The following PINX1 variants were observed in gnomAD, a reference collection of about 807,000 sequenced individuals.
PINX1 encodes the protein PIN2/TERF1-interacting telomerase inhibitor 1.
Under a neutral mutation model 25.4 loss-of-function variants are expected in PINX1, and 34 were observed. That is an observed-to-expected ratio of 1.34 (90% confidence interval 1.02 to 1.78). PINX1 has a LOEUF of 1.78. PINX1 is among the 40% of genes most tolerant of loss of function. PINX1 has a pLI of 0.00. For missense variants in PINX1, 592 were observed against 404.9 expected, an observed-to-expected ratio of 1.46 and a Z score of -3.97; for synonymous variants, 197 against 147.7, an observed-to-expected ratio of 1.33 and a Z score of -2.42.
chr8:10,800,255 T>C (rs763859351), intron 6 of PINX1, among the ~76,000 whole-genome samples: 3 of 152,238 alleles, frequency 2.0e-5, no homozygotes, highest in Non-Finnish European at 4.4e-5. Flanking sequence ...ACACTGCGTA[T>C]GTATAAATGA....
intron 2 of PINX1, chr8:10,833,677 C>T (rs1798300236): frequency 1.5e-5 from 1 of 68,124 alleles, no homozygotes; most frequent in Non-Finnish European, 2.7e-5. Flanking sequence ...AGAAGAATGA[C>T]GACTGGGGTG....
chr8:10,792,092 T>G (rs1478248107), intron 6 of PINX1, among the ~76,000 whole-genome samples: 11 of 152,184 alleles, frequency 7.2e-5, no homozygotes, highest in Non-Finnish European at 1.6e-4. Flanking sequence ...TATTGGAGTC[T>G]GAGTCTCTGG....
chr8:10,828,376 G>A lies in PINX1; in HGVS notation c.302-2132C>T, dbSNP rs17152587. On this transcript the variant is annotated intron_variant, in intron 4 of 6. Transcript: ENST00000314787. ...ACTGCAAGTGTATGAGGGACGAGGC[G>A]CTGGACTGGAGGCTTTCCATGAATT... 8.8e-3 allele frequency among the ~76,000 whole-genome samples: 1,345 copies of A among 152,252 alleles called. 24 individuals are homozygous for A. The highest frequency in any genetic ancestry group is 0.031 in the African/African-American group (1,283 of 41,526).
chr8:10,821,831 T>A (rs1797887077), intron 5 of PINX1: 1 of 152,258 alleles, frequency 6.6e-6, no homozygotes. Context: ...TAAGGTCTCT[T>A]CTATAGCAAT....
intron 2 of PINX1, 143 bp from the exon 3 acceptor site, chr8:10,833,127 G>A (rs1160564070): frequency 7.1e-6 from 4 of 561,408 alleles, no homozygotes; most frequent in Non-Finnish European, 1.3e-5. Flanking sequence ...AAAGCAACAT[G>A]GGGGAGGACT....
At chr8:10,774,850 G>C (rs1801339172) in intron 6 of PINX1, among the ~76,000 whole-genome samples, 1 of 152,108 alleles carries the variant, frequency 6.6e-6, no homozygotes, top group African/African-American at 2.4e-5. Flanking sequence ...GCAAAGCAAA[G>C]TCATTCTATG....
In PINX1 at chr8:10,832,928, A is replaced by C; in HGVS notation, c.186T>G (p.Asn62Lys). The C allele has an allele frequency of 6.2e-7, 1 of 1,612,494 alleles. No homozygotes were observed. Among genetic ancestry groups the C allele is most frequent in the Non-Finnish European group, 8.5e-7 (1 of 1,179,060 alleles). The change falls in exon 3 of 7, where the codon AAT becomes AAG. Residue 62 changes from asparagine to lysine, a missense_variant. Coordinates refer to ENST00000314787, the MANE Select transcript of PINX1 (RefSeq NM_017884.6). ...ATDHIKVQVKNNHLGLGATIN... is the reference protein window; with the variant it reads ...ATDHIKVQVKKNHLGLGATIN... ...TGGTAGCTCCGAGTCCCAGGTGGTT[A>C]TTTTTCACTTGAACTTTAATATGAT...
At chr8:10,839,026 C>A (rs970911776) in intron 1 of PINX1, among the ~76,000 whole-genome samples, 1 of 152,164 alleles carries the variant, frequency 6.6e-6, no homozygotes, top group Non-Finnish European at 1.5e-5. Context: ...CAAGCAGGAC[C>A]CGCTTTTCAG....
At chr8:10,828,405 G>A (rs1218201410) in intron 4 of PINX1, among the ~76,000 whole-genome samples, 1 of 152,112 alleles carries the variant, frequency 6.6e-6, no homozygotes, top group Non-Finnish European at 1.5e-5. Context: ...ATGAATTCTT[G>A]GATTTCCTTC....
In PINX1 at chr8:10,770,242, C is replaced by A. The variant is rs1801181752; in HGVS notation, c.472-4326G>T. ...CTGTGGTTCTCTGACTCAGTTTCCTCATCAGCAACAGGTCAATTCAGGTGG... is the reference window on the plus strand; with the variant it reads ...CTGTGGTTCTCTGACTCAGTTTCCTAATCAGCAACAGGTCAATTCAGGTGG... On this transcript the variant is annotated intron_variant, in intron 6 of 6. Transcript: ENST00000314787. 4.6e-5 allele frequency among the ~76,000 whole-genome samples: 7 copies of A among 152,230 alleles called. No homozygotes were observed. The South Asian group carries it at 1.4e-3, about 32-fold the overall frequency.
chr8:10,823,229 G>A (rs958800732), intron 5 of PINX1, among the ~76,000 whole-genome samples: 1 of 152,220 alleles, frequency 6.6e-6, no homozygotes, highest in African/African-American at 2.4e-5. Flanking sequence ...AGGAAGCCGA[G>A]CACCTGCACA....
chr8:10,786,745 C>T (rs958068299), intron 6 of PINX1, among the ~76,000 whole-genome samples: 2 of 152,110 alleles, frequency 1.3e-5, no homozygotes, highest in African/African-American at 2.4e-5. Context: ...TGCTTCCTCC[C>T]TCTTGCTCCC....
At chr8:10,805,286 G>T (rs1038300008) in intron 6 of PINX1, among the ~76,000 whole-genome samples, 6 of 152,208 alleles carry the variant, frequency 3.9e-5, no homozygotes, top group African/African-American at 1.4e-4. Flanking sequence ...TCCACGTCAG[G>T]GTAATAACAA....
chr8:10,828,017 T>G (rs1798110157), intron 4 of PINX1, among the ~76,000 whole-genome samples: 1 of 151,948 alleles, frequency 6.6e-6, no homozygotes, highest in South Asian at 2.1e-4. Context: ...AACAAGCACG[T>G]GTCCATTCAA....
intron 6 of PINX1, among the ~76,000 whole-genome samples, chr8:10,786,684 G>A (rs1460199496): frequency 2.0e-5 from 3 of 152,192 alleles, no homozygotes; most frequent in Admixed American, 6.5e-5. Flanking sequence ...TGTGGAGTCA[G>A]CTGAAAACTT....
At chr8:10,828,846 G>A (rs183829673) in intron 4 of PINX1, among the ~76,000 whole-genome samples, 111 of 152,302 alleles carry the variant, frequency 7.3e-4, no homozygotes, top group South Asian at 6.2e-4. Context: ...GGAAAATACT[G>A]TTGTCAAAGC....
chr8:10,828,092 G>A (rs1380145560), intron 4 of PINX1, among the ~76,000 whole-genome samples: 1 of 152,004 alleles, frequency 6.6e-6, no homozygotes, highest in Non-Finnish European at 1.5e-5. Flanking sequence ...GTTCCCTATG[G>A]GAACTATACA....
chr8:10,785,934 G>A (rs563101065), intron 6 of PINX1, among the ~76,000 whole-genome samples: 2 of 152,194 alleles, frequency 1.3e-5, no homozygotes, highest in Non-Finnish European at 1.5e-5. Context: ...AAAGATGGAA[G>A]GATTAGCTAC....
rs148991141 is a variant in PINX1, at chr8:10,837,921, A to G, written c.19+1817T>C. On this transcript the variant is annotated intron_variant, in intron 1 of 6. Transcript: ENST00000314787. ...TACATAAGGAACTGCAACCTACGTT[A>G]GAACTTAAAGGAAGCGAAAGCCTAC... Among the ~76,000 whole-genome samples, 48 of 152,368 alleles carry G rather than the reference A, an allele frequency of 3.2e-4. No homozygotes were observed. The East Asian group carries it at 7.3e-3, about 23-fold the overall frequency.
Sources: gnomAD v4.1 joint callset for allele counts (sites outside exome capture counted in the v4.1 genomes callset) on GRCh38, gnomAD v4.1.1 for gene constraint, MANE v1.5 for transcripts, NCBI Gene and HGNC (gene_info 2026-07-23, HGNC 2026-07-21) for gene names.